RIT2: variants seen among roughly 807,000 people sequenced by gnomAD.
RIT2 encodes GTP-binding protein Rit2.
In RIT2, 24 loss-of-function variants were observed where a neutral mutation model predicts 23.7. The observed-to-expected ratio is 1.01, with a 90% confidence interval of 0.73 to 1.43. The LOEUF is 1.43. Among genes scored for constraint, RIT2 ranks in the 40% most tolerant of loss-of-function variants. The pLI, the probability that RIT2 is intolerant of heterozygous loss-of-function variation, is 0.00. For synonymous variants in RIT2, 107 were observed against 91.1 expected (o/e 1.17, Z -0.99); for missense variants, 236 against 266.9 (o/e 0.88, Z 0.81).
intron 4 of RIT2, among the ~76,000 whole-genome samples, chr18:42,777,580 T>C (rs1273146991): frequency 6.6e-6 from 1 of 152,186 alleles, no homozygotes; most frequent in Non-Finnish European, 1.5e-5. Flanking sequence ...TTGCTGCTGA[T>C]ATGTCAAGTA....
intron 4 of RIT2, among the ~76,000 whole-genome samples, chr18:42,785,395 G>A (rs1913899602): frequency 1.3e-5 from 2 of 151,426 alleles, no homozygotes; most frequent in Non-Finnish European, 2.9e-5. Flanking sequence ...ACATGGAGTT[G>A]AGAGATTATA....
chr18:43,006,988 T>C (rs976237255), intron 2 of RIT2, among the ~76,000 whole-genome samples: 1 of 151,604 alleles, frequency 6.6e-6, no homozygotes, highest in Admixed American at 6.6e-5. Flanking sequence ...ATTGTCATCA[T>C]ACTCTTTATT....
At chr18:42,973,038 T>C (rs1223766231) in intron 3 of RIT2, among the ~76,000 whole-genome samples, 3 of 151,850 alleles carry the variant, frequency 2.0e-5, no homozygotes, top group Non-Finnish European at 4.4e-5. Context: ...TTAATAATAC[T>C]TTTGCATAAC....
chr18:42,840,683 T>C (rs1486438102), intron 4 of RIT2, among the ~76,000 whole-genome samples: 1 of 152,204 alleles, frequency 6.6e-6, no homozygotes, highest in African/African-American at 2.4e-5. Flanking sequence ...GTATTTTTAA[T>C]AGAGACAGAG....
At position 42,788,464 on chromosome 18, in the gene RIT2, A is replaced by G. The variant is rs1212294638; in HGVS notation, c.427-44744T>C. 5.3e-5 allele frequency among the ~76,000 whole-genome samples: 8 copies of G among 152,198 alleles called. No homozygotes were observed. The East Asian group carries it at 1.5e-3, about 29-fold the overall frequency. ...TGTTACACTTAGAATTCATTGGTCA[A>G]TCTTGCAATTTGAATGAATCTTTAT... On this transcript the variant is annotated intron_variant, in intron 4 of 4. Transcript: ENST00000326695.
intron 2 of RIT2, among the ~76,000 whole-genome samples, chr18:42,983,170 G>T (rs866337761): frequency 4.6e-5 from 7 of 152,040 alleles, no homozygotes; most frequent in Non-Finnish European, 8.8e-5. Context: ...CACATAGATA[G>T]ATAGAACAGA....
intron 2 of RIT2, among the ~76,000 whole-genome samples, chr18:43,029,575 G>C (rs549042144): frequency 6.6e-6 from 1 of 151,818 alleles, no homozygotes; most frequent in African/African-American, 2.4e-5. Context: ...ACAAAAAAAA[G>C]AAAAATTGGA....
At chr18:42,937,645 T>C (rs971835690) in intron 3 of RIT2, among the ~76,000 whole-genome samples, 6 of 152,150 alleles carry the variant, frequency 3.9e-5, no homozygotes, top group Non-Finnish European at 8.8e-5. Flanking sequence ...CCACAAAGCT[T>C]CCTGATCTAC....
chr18:43,097,556 A>G (rs1443447074), intron 1 of RIT2, among the ~76,000 whole-genome samples: 6 of 151,924 alleles, frequency 3.9e-5, no homozygotes, highest in African/African-American at 1.4e-4. Flanking sequence ...CTTATGCAAA[A>G]GTTACATATA....
chr18:42,819,892 C>T (rs745622686), intron 4 of RIT2, among the ~76,000 whole-genome samples: 15 of 152,010 alleles, frequency 9.9e-5, no homozygotes, highest in African/African-American at 1.4e-4. Flanking sequence ...TTTCAGGATC[C>T]CCTGTGGATA....
intron 4 of RIT2, among the ~76,000 whole-genome samples, chr18:42,847,314 C>G (rs1305372472): frequency 1.3e-5 from 2 of 152,104 alleles, no homozygotes; most frequent in Non-Finnish European, 2.9e-5. Flanking sequence ...CATAATCATT[C>G]ATGTCCTGGG....
At chr18:42,748,526 T>C (rs939514981) in intron 4 of RIT2, among the ~76,000 whole-genome samples, 4 of 151,988 alleles carry the variant, frequency 2.6e-5, no homozygotes, top group Admixed American at 2.6e-4. Flanking sequence ...TGTAAAACAG[T>C]GTGGAGATTC....
Position 42,841,701 on chromosome 18 carries a change from G to A in RIT2, c.426+81871C>T, listed in dbSNP as rs191063637. ...CCAGTGAAATAAGTTTATTAATTTA[G>A]GTTGTGTCATGCTTCCTATTTGTGG... On this transcript the variant is annotated intron_variant, in intron 4 of 4. Transcript: ENST00000326695. Among the ~76,000 whole-genome samples the A allele has an allele frequency of 3.0e-3, 456 of 152,194 alleles. 6 individuals are homozygous for A. Among genetic ancestry groups the A allele is most frequent in the African/African-American group, 0.01 (418 of 41,530 alleles).
intron 2 of RIT2, among the ~76,000 whole-genome samples, chr18:42,999,879 G>A (rs894923094): frequency 3.9e-5 from 6 of 152,138 alleles, no homozygotes; most frequent in Middle Eastern, 3.4e-3. Context: ...ACTGTATTGA[G>A]AATCAAAAGA....
chr18:43,089,195 C>G (rs1198614837), intron 1 of RIT2, among the ~76,000 whole-genome samples: 1 of 151,982 alleles, frequency 6.6e-6, no homozygotes, highest in East Asian at 1.9e-4. Flanking sequence ...CTAGAAAACC[C>G]TATAGTCTCA....
intron 1 of RIT2, among the ~76,000 whole-genome samples, chr18:43,038,162 G>A (rs1337861064): frequency 1.5e-5 from 2 of 137,740 alleles, no homozygotes; most frequent in African/African-American, 2.7e-5. Flanking sequence ...AAGAGATTGC[G>A]CCACTGCACT....
rs759963635 is a variant in RIT2, at chr18:43,033,855, T to C, written c.116A>G (p.Gln39Arg). The change falls in exon 2 of 5, where the codon CAG (glutamine) becomes CGG (arginine). Residue 39 changes from glutamine (Q) to arginine (R), a missense_variant. Gln to Arg is a conservative substitution (Grantham distance 43). Coordinates refer to ENST00000326695, the MANE Select transcript of RIT2 (RefSeq NM_002930.4). ...ATCAGGGAACTGATGACTAATAAAC[T>C]GCATTGTCATTGCTGAAAGAAAAAA... ...GGVGKSAMTMQFISHQFPDYH... is the reference protein window; with the variant it reads ...GGVGKSAMTMRFISHQFPDYH... 3.7e-6 allele frequency: 6 copies of C among 1,606,094 alleles called. No homozygotes were observed. Among genetic ancestry groups the C allele is most frequent in the Middle Eastern group, 1.7e-4 (1 of 6,042 alleles).
intron 4 of RIT2, among the ~76,000 whole-genome samples, chr18:42,763,392 A>C (rs984473586): frequency 6.0e-5 from 9 of 150,506 alleles, no homozygotes; most frequent in Non-Finnish European, 1.2e-4. Context: ...AACCTGGGAG[A>C]TGGAGCTTGC....
intron 4 of RIT2, among the ~76,000 whole-genome samples, chr18:42,823,924 T>A (rs927435574): frequency 2.6e-5 from 4 of 152,110 alleles, no homozygotes; most frequent in African/African-American, 9.7e-5. Flanking sequence ...CAAGCATGTG[T>A]TCAACCTTAC....
Sources: gnomAD v4.1 joint callset for allele counts (sites outside exome capture counted in the v4.1 genomes callset) on GRCh38, gnomAD v4.1.1 for gene constraint, MANE v1.5 for transcripts, NCBI Gene and HGNC (gene_info 2026-07-23, HGNC 2026-07-21) for gene names.